USP36: variants seen among roughly 807,000 people sequenced by gnomAD.
USP36 encodes the protein ubiquitin carboxyl-terminal hydrolase 36.
A neutral mutation model predicts 111.5 loss-of-function variants in USP36; 59 were observed. The observed-to-expected ratio is 0.53, with a 90% confidence interval of 0.43 to 0.66. The LOEUF (loss-of-function observed/expected upper bound fraction) is 0.66, where lower values mean the gene tolerates loss of function less well. Ranked by LOEUF, USP36 falls within the 30% of genes least tolerant of loss-of-function variation. The pLI is 0.00. For missense variants in USP36, 1,488 were observed against 1,468.0 expected (o/e 1.01, Z -0.22); for synonymous variants, 628 against 581.0 (o/e 1.08, Z -1.16).
rs556503138 is a variant in USP36, at chr17:78,820,881, G to A, written c.828+110C>T. On this transcript the variant is annotated intron_variant, in intron 8 of 20. Coordinates refer to ENST00000449938, the MANE Select transcript of USP36 (RefSeq NM_001385174.1). The stretch of plus-strand genomic sequence containing the variant: ...CTGCAAGGCGGCAGGGAGCAAAGGA[G>A]TTTTCTCCCTATCTATTTTGATCTG... 3.6e-5 allele frequency: 43 copies of A among 1,206,526 alleles called. No individual in the cohort carries two copies. In the East Asian group the frequency reaches 9.5e-4, roughly 27 times the overall value. 74.7% of individuals were successfully genotyped at this position (1,206,526 alleles called of 1,614,324 possible). A position where few individuals can be genotyped will look rare whatever the true frequency, so the allele number is the denominator to read the frequency against.
intron 6 of USP36, among the ~76,000 whole-genome samples, chr17:78,824,640 T>A (rs1191928149): frequency 6.6e-6 from 1 of 152,096 alleles, no homozygotes; most frequent in Non-Finnish European, 1.5e-5. Context: ...AAATCAGAAA[T>A]AAGCACAGTA....
intron 8 of USP36, 146 bp from the exon 9 acceptor site, chr17:78,820,158 T>C (rs186251976): frequency 4.3e-6 from 3 of 693,198 alleles, no homozygotes; most frequent in East Asian, 2.8e-5. Context: ...AGCTGCCAGA[T>C]TGGGACTCCT....
chr17:78,839,181 G>A (rs1486603451), intron 1 of USP36, among the ~76,000 whole-genome samples: 1 of 152,002 alleles, frequency 6.6e-6, no homozygotes, highest in Non-Finnish European at 1.5e-5. Context: ...TACCATCTAC[G>A]ATCACTATGA....
At chr17:78,808,929 C>CTAATTTTCTGGAAATGAAATTACAGATT (rs2093983320) in intron 13 of USP36, among the ~76,000 whole-genome samples, 1 of 152,060 alleles carries the variant, frequency 6.6e-6, no homozygotes, top group Non-Finnish European at 1.5e-5. Flanking sequence ...AATTACAAGG[C>CTAATTTTCTGGAAATGAAATTACAGATT]TAATTTTCTG....
Position 78,796,760 on chromosome 17 carries a change from C to T in USP36, c.*1140G>A, listed in dbSNP as rs1288870958. On this transcript the variant is annotated 3_prime_UTR_variant, in exon 21 of 21. Transcript: ENST00000449938. ...CTAAGTCCAACACCACGTTGTCCAT[C>T]TCCACCTGCGACGACTCCGGGAGGA... 6.6e-6 allele frequency: 1 copy of T among 152,340 alleles called. No individual in the cohort carries two copies. The highest frequency in any genetic ancestry group is 2.4e-5 in the African/African-American group (1 of 41,434). 9.4% of individuals were successfully genotyped at this position (152,340 alleles called of 1,614,324 possible). A position where few individuals can be genotyped will look rare whatever the true frequency, so the allele number is the denominator to read the frequency against.
In USP36 at chr17:78,836,306, C is replaced by G. The variant is rs1400057357; in HGVS notation, c.58G>C (p.Asp20His). Residue 20 changes from aspartate (D) to histidine (H), a missense_variant, in exon 3 of 21, where the codon GAT (aspartate) becomes CAT (histidine). Physicochemically the swap from Asp to His is moderately conservative, Grantham distance 81. This residue lies in a region of USP36 where 219 missense variants were observed against 209.5 expected (regional missense o/e 1.05). Coordinates refer to ENST00000449938, the MANE Select transcript of USP36 (RefSeq NM_001385174.1). ...AGAAGCTTCCCCAGTTCTCCATCAT[C>G]AGCCGAGTCCTTGCGGCCGGGTTTC... is the stretch of plus-strand genomic sequence containing the variant. ...ALKPGRKDSA[D>H]DGELGKLLAS... is the part of the protein sequence containing the mutation. The G allele has an allele frequency of 4.3e-6, 7 of 1,614,092 alleles. No homozygotes were observed. The highest frequency in any genetic ancestry group is 8.5e-7 in the Non-Finnish European group (1 of 1,180,048).
chr17:78,834,744 A>G (rs2068487521), intron 4 of USP36, among the ~76,000 whole-genome samples: 1 of 152,050 alleles, frequency 6.6e-6, no homozygotes. Context: ...TTGTTTTTGT[A>G]GAGATGGGAT....
At position 78,807,083 on chromosome 17, in the gene USP36, G is replaced by A. The variant is rs200774801; in HGVS notation, c.1961C>T (p.Pro654Leu). 58 of 1,614,226 alleles carry A rather than the reference G, an allele frequency of 3.6e-5. No homozygotes were observed. The highest frequency in any genetic ancestry group is 3.3e-4 in the South Asian group (30 of 91,088). Residue 654 changes from proline to leucine, a missense_variant, in exon 14 of 21, where the codon CCG becomes CTG. Transcript: ENST00000449938. Reference sequence around the variant, plus strand: ...CGTCTTAGAATCTGCTCCACTTGGCGGCGTTTTGGAGTGGCCAGCGGTGGA... The same window carrying A: ...CGTCTTAGAATCTGCTCCACTTGGCAGCGTTTTGGAGTGGCCAGCGGTGGA... Reference protein sequence around the residue: ...NCSTAGHSKTPPSGADSKTVK... With the variant: ...NCSTAGHSKTLPSGADSKTVK...
chr17:78,789,901 G>A (rs2093568312), intron 3 of USP36, among the ~76,000 whole-genome samples: 1 of 152,216 alleles, frequency 6.6e-6, no homozygotes, highest in African/African-American at 2.4e-5. Flanking sequence ...GTGGACTGCG[G>A]AGCCACTGAC....
chr17:78,813,122 C>T (rs539790649), intron 12 of USP36, 121 bp from the exon 13 acceptor site: 2 of 1,246,660 alleles, frequency 1.6e-6, no homozygotes, highest in Admixed American at 4.6e-5. Flanking sequence ...CCTGCCAGTC[C>T]TAACCACTTC....
intron 5 of USP36, among the ~76,000 whole-genome samples, chr17:78,828,320 G>A (rs779813827): frequency 4.6e-5 from 7 of 152,268 alleles, no homozygotes; most frequent in Admixed American, 1.3e-4. Flanking sequence ...TTCAAAAACC[G>A]GTAATAGGCC....
In USP36 at chr17:78,835,040, C is replaced by T. The variant is rs540896315; in HGVS notation, c.475+240G>A. Among the ~76,000 whole-genome samples, 41 of 145,662 alleles carry T rather than the reference C, an allele frequency of 2.8e-4. 1 individual carries two copies. The highest frequency in any genetic ancestry group is 2.6e-3 in the Admixed American group (39 of 14,872). On this transcript the variant is annotated intron_variant, in intron 4 of 20. Coordinates refer to ENST00000449938, the MANE Select transcript of USP36 (RefSeq NM_001385174.1). ...ATATTTTGGAAGTATCTTTTGAAAA[C>T]GTTTCTGTCTGGGTAATTATTTACA...
At chr17:78,819,877 G>T in intron 9 of USP36, 53 bp downstream of exon 9, 1 of 1,575,384 alleles carries the variant, frequency 6.3e-7, no homozygotes. Flanking sequence ...CAGGTGAGGG[G>T]ACTTATTTCC....
intron 10 of USP36, among the ~76,000 whole-genome samples, chr17:78,816,763 C>T (rs1453411620): frequency 1.3e-5 from 2 of 152,144 alleles, no homozygotes; most frequent in Non-Finnish European, 2.9e-5. Context: ...AGTTGTGAGC[C>T]ATTGTGCCCA....
chr17:78,840,996 A>C (rs1567982762), upstream of USP36: 1 of 151,894 alleles, frequency 6.6e-6, no homozygotes, highest in Admixed American at 6.5e-5. Flanking sequence ...CCATCACGGG[A>C]CCCCGCCAGC....
At chr17:78,799,055 G>A in intron 18 of USP36, 32 bp from the exon 19 acceptor site, 2 of 1,605,632 alleles carry the variant, frequency 1.2e-6, no homozygotes, top group East Asian at 2.2e-5. Flanking sequence ...CAGCACGAGT[G>A]CAGGTTCCCA....
intron 2 of USP36, among the ~76,000 whole-genome samples, chr17:78,836,824 GACAC>G (rs759552605): frequency 1.6e-5 from 2 of 122,382 alleles, no homozygotes; most frequent in Non-Finnish European, 3.6e-5. Context: ...CACACAAACG[GACAC>G]ACACACACAC....
intron 15 of USP36, among the ~76,000 whole-genome samples, chr17:78,804,692 T>A (rs1189605366): frequency 2.6e-4 from 34 of 129,248 alleles, no homozygotes; most frequent in African/African-American, 9.7e-4. Flanking sequence ...AAAAAAAAAT[T>A]TTTTTTTTTT....
At chr17:78,819,012 A>G (rs1046415985) in intron 9 of USP36, 3 of 441,420 alleles carry the variant, frequency 6.8e-6, no homozygotes, top group African/African-American at 2.0e-5. Context: ...GCAAAAAAAT[A>G]AAAGTACTGT....
Sources: gnomAD v4.1 joint callset for allele counts (sites outside exome capture counted in the v4.1 genomes callset) on GRCh38, gnomAD v4.1.1 for gene constraint, gnomAD v4.1.1 regional missense constraint, MANE v1.5 for transcripts, NCBI Gene and HGNC (gene_info 2026-07-23, HGNC 2026-07-21) for gene names.